The following COL11A1 variants were observed in gnomAD, a reference collection of about 807,000 sequenced individuals.
COL11A1 encodes the protein collagen type XI alpha 1 chain, also known as collagen alpha-1(XI) chain.
COL11A1 carries 74 observed loss-of-function variants against 265.2 expected under a neutral mutation model. That is an observed-to-expected ratio of 0.28 (90% CI 0.23 to 0.34). COL11A1 has a LOEUF of 0.34. Ranked by LOEUF, COL11A1 falls within the 10% of genes least tolerant of loss-of-function variation. The probability of loss-of-function intolerance (pLI) is 1.00; values close to 1 mark genes in which losing one functional copy is unlikely to be tolerated. For synonymous variants in COL11A1, 816 were observed against 727.6 expected (o/e 1.12, Z -1.96); for missense variants, 2,165 against 2,263.6 (o/e 0.96, Z 0.88).
rs1372308202 is a variant in COL11A1 at position 102,996,017 on chromosome 1, A to G, written c.2267T>C (p.Ile756Thr). The G allele has an allele frequency of 2.5e-6, 4 of 1,613,254 alleles. No homozygotes were observed. The highest frequency in any genetic ancestry group is 1.1e-5 in the South Asian group (1 of 91,078). The change falls in exon 27 of 67, where the codon ATT (isoleucine) becomes ACT (threonine). Residue 756 changes from isoleucine to threonine, a missense_variant. Physicochemically the swap from Ile to Thr is moderately conservative, Grantham distance 89. Transcript: ENST00000370096. ...ALGPPGPQGPIGYPGPRGVKG... is the reference protein window; with the variant it reads ...ALGPPGPQGPTGYPGPRGVKG... The stretch of plus-strand genomic sequence containing the variant: ...TACTCCCCGGGGGCCCGGGTATCCA[A>G]TAGGACCTTGTGGACCAGGGGGACC...
At chr1:102,909,257 T>C (rs1344078156) in intron 54 of COL11A1, among the ~76,000 whole-genome samples, 1 of 152,134 alleles carries the variant, frequency 6.6e-6, no homozygotes, top group Non-Finnish European at 1.5e-5. Context: ...TCTTGCTTCC[T>C]CTGTCACCTT....
At chr1:103,041,681 G>A (rs1429097625) in intron 4 of COL11A1, among the ~76,000 whole-genome samples, 1 of 151,658 alleles carries the variant, frequency 6.6e-6, no homozygotes, top group Non-Finnish European at 1.5e-5. Context: ...AATATAATCA[G>A]CATACCTTTA....
At chr1:102,972,234 A>G (rs1662039434) in intron 36 of COL11A1, among the ~76,000 whole-genome samples, 1 of 152,156 alleles carries the variant, frequency 6.6e-6, no homozygotes, top group African/African-American at 2.4e-5. Context: ...TTTCCACCAT[A>G]CTAAAGTGCT....
At chr1:103,087,996 A>G (rs898169457) in intron 1 of COL11A1, among the ~76,000 whole-genome samples, 5 of 152,118 alleles carry the variant, frequency 3.3e-5, no homozygotes, top group Non-Finnish European at 5.9e-5. Context: ...CCTAATATGT[A>G]CTTTTTATTG....
intron 24 of COL11A1, 74 bp from the exon 25 acceptor site, chr1:102,998,437 A>G: frequency 1.9e-6 from 2 of 1,030,874 alleles, no homozygotes; most frequent in Non-Finnish European, 2.8e-6. Context: ...TATACTATGA[A>G]TGAAATTCTT....
intron 54 of COL11A1, among the ~76,000 whole-genome samples, chr1:102,901,118 G>A (rs113566621): frequency 1.1e-4 from 16 of 151,922 alleles, no homozygotes; most frequent in African/African-American, 3.6e-4. Flanking sequence ...CCAGGAGTTC[G>A]AGACCAGCTG....
At chr1:102,965,901 A>C (rs1334730466) in intron 37 of COL11A1, among the ~76,000 whole-genome samples, 1 of 152,184 alleles carries the variant, frequency 6.6e-6, no homozygotes, top group Non-Finnish European at 1.5e-5. Context: ...CAGTTTACTG[A>C]TTGTTTATAC....
chr1:103,057,753 CA>C (rs1015283633), intron 4 of COL11A1, among the ~76,000 whole-genome samples: 7 of 152,032 alleles, frequency 4.6e-5, no homozygotes, highest in Non-Finnish European at 7.4e-5. Flanking sequence ...TTTTTTTTCT[CA>C]GCAGTAGGTC....
At chr1:102,922,200 T>G (rs1432456610) in intron 47 of COL11A1, among the ~76,000 whole-genome samples, 1 of 152,190 alleles carries the variant, frequency 6.6e-6, no homozygotes, top group Admixed American at 6.5e-5. Context: ...CATTAGTACA[T>G]TTCACTGGAC....
chr1:102,889,374 C>A (rs1008162753), intron 59 of COL11A1, 81 bp downstream of exon 59: 32 of 466,626 alleles, frequency 6.9e-5, no homozygotes, highest in Middle Eastern at 9.0e-4. Flanking sequence ...TTTGATCATA[C>A]TTAAAGGACT....
At chr1:102,889,710 A>G (rs1651503779) in intron 58 of COL11A1, 148 bp from the exon 59 acceptor site, 1 of 667,304 alleles carries the variant, frequency 1.5e-6, no homozygotes, top group Non-Finnish European at 2.6e-6. Context: ...TGAATGAAAT[A>G]TACAGTTAAG....
chr1:102,927,993 C>A lies in COL11A1; in HGVS notation c.3601-4604G>T, dbSNP rs1348956508. Among the ~76,000 whole-genome samples, 3 of 152,222 alleles carry A rather than the reference C, an allele frequency of 2.0e-5. No homozygotes were observed. The East Asian group carries it at 5.8e-4, about 30-fold the overall frequency. The stretch of plus-strand genomic sequence containing the variant: ...CGGGGAAAGGAAGCGAAAGTGTCTC[C>A]AGATCCGCCCCTGTCTGCCTGGGAC... On this transcript the variant is annotated intron_variant, in intron 46 of 66. Transcript: ENST00000370096.
chr1:102,911,803 C>T (rs1307587872), intron 54 of COL11A1, among the ~76,000 whole-genome samples: 1 of 152,108 alleles, frequency 6.6e-6, no homozygotes, highest in East Asian at 1.9e-4. Context: ...ATGTTTTAAG[C>T]TAGCACTGGA....
intron 1 of COL11A1, among the ~76,000 whole-genome samples, chr1:103,105,824 T>C (rs1349193039): frequency 6.6e-6 from 1 of 152,170 alleles, no homozygotes; most frequent in African/African-American, 2.4e-5. Flanking sequence ...TATTCCCTTT[T>C]TGAAGTTAAT....
rs1172065712 is a variant in COL11A1, at chr1:102,888,863, T to G, written c.4518+3A>C. The G allele has an allele frequency of 6.2e-7, 1 of 1,612,860 alleles. No individual in the cohort carries two copies. Among genetic ancestry groups the G allele is most frequent in the African/African-American group, 1.3e-5 (1 of 75,032 alleles). On this transcript the variant is annotated splice_donor_region_variant and intron_variant, in intron 60 of 66. Transcript: ENST00000370096. The stretch of plus-strand genomic sequence containing the variant: ...TTATAAGGTTATTTTGTCTTGTACT[T>G]ACTGGTAAACCTGGAGGACCAGGTG...
intron 65 of COL11A1, 142 bp from the exon 66 acceptor site, chr1:102,880,058 A>T: frequency 1.5e-6 from 1 of 645,598 alleles, no homozygotes; most frequent in Non-Finnish European, 2.7e-6. Flanking sequence ...AATGAAAAAA[A>T]GTGTACATTG....
At chr1:103,093,618 CCTGT>C (rs1411923372) in intron 1 of COL11A1, among the ~76,000 whole-genome samples, 1 of 152,106 alleles carries the variant, frequency 6.6e-6, no homozygotes, top group Non-Finnish European at 1.5e-5. Flanking sequence ...AACAGGAATG[CCTGT>C]CTTTCGGTAG....
chr1:102,995,288 A>G (rs1664515273), intron 28 of COL11A1, among the ~76,000 whole-genome samples: 1 of 152,130 alleles, frequency 6.6e-6, no homozygotes, highest in Non-Finnish European at 1.5e-5. Context: ...TAAATGCCCT[A>G]TAAAAGATGC....
At chr1:102,936,329 C>T (rs1207021987) in intron 44 of COL11A1, among the ~76,000 whole-genome samples, 1 of 151,300 alleles carries the variant, frequency 6.6e-6, no homozygotes, top group Non-Finnish European at 1.5e-5. Context: ...ACATGGAACG[C>T]TATTTTTACT....
Sources: allele counts gnomAD v4.1 joint callset (sites outside exome capture counted in the v4.1 genomes callset), GRCh38; gene constraint gnomAD v4.1.1; transcripts MANE v1.5; gene names NCBI Gene and HGNC (gene_info 2026-07-23, HGNC 2026-07-21).